The following SMG1 variants were observed in gnomAD, a reference collection of about 807,000 sequenced individuals.
The protein encoded by SMG1 is SMG1 nonsense mediated mRNA decay associated PI3K related kinase, also known as serine/threonine-protein kinase SMG1.
In SMG1, 22 loss-of-function variants were observed where a neutral mutation model predicts 419.9. That is an observed-to-expected ratio of 0.05 (90% CI 0.04 to 0.07). The LOEUF (loss-of-function observed/expected upper bound fraction) is 0.07. Among genes scored for constraint, SMG1 ranks in the 10% least tolerant of loss-of-function variants. The pLI, the probability that SMG1 is intolerant of heterozygous loss-of-function variation, is 1.00. For synonymous variants in SMG1, 1,538 were observed against 1,553.5 expected, an observed-to-expected ratio of 0.99 and a Z score of 0.23; for missense variants, 3,185 against 4,342.0, an observed-to-expected ratio of 0.73 and a Z score of 7.49.
intron 57 of SMG1, among the ~76,000 whole-genome samples, chr16:18,816,880 C>G (rs1286826782): frequency 6.6e-6 from 1 of 152,174 alleles, no homozygotes. Flanking sequence ...TTTAAGCTTT[C>G]TGACAAAATA....
intron 23 of SMG1, among the ~76,000 whole-genome samples, chr16:18,865,545 G>A (rs2035453341): frequency 6.7e-6 from 1 of 148,392 alleles, no homozygotes; most frequent in African/African-American, 2.5e-5. Flanking sequence ...GGTACATTTA[G>A]TAAAAAAAAA....
At chr16:18,828,404 T>C (rs2032913801) in intron 54 of SMG1, among the ~76,000 whole-genome samples, 1 of 152,206 alleles carries the variant, frequency 6.6e-6, no homozygotes, top group East Asian at 1.9e-4. Flanking sequence ...ACATGCACCA[T>C]TTAAATAGTA....
Position 18,863,997 on chromosome 16 carries a change from C to T in SMG1, c.3493+5G>A, listed in dbSNP as rs755385950. The stretch of plus-strand genomic sequence containing the variant: ...TTGCTTTATTTAAAAATACTGAACG[C>T]TCACCATTCAGAGAATGTTTCGGGC... On this transcript the variant is annotated splice_donor_5th_base_variant and intron_variant, in intron 24 of 62. Coordinates refer to ENST00000446231, the MANE Select transcript of SMG1 (RefSeq NM_015092.5). 3.2e-6 allele frequency: 5 copies of T among 1,549,758 alleles called. No individual in the cohort carries two copies. Among genetic ancestry groups the T allele is most frequent in the Non-Finnish European group, 4.4e-6 (5 of 1,146,914 alleles).
chr16:18,857,243 C>T (rs1354441901), intron 29 of SMG1: 1 of 152,208 alleles, frequency 6.6e-6, no homozygotes, highest in Non-Finnish European at 1.5e-5. Context: ...ATCATGTTTT[C>T]CACTAAAACT....
Position 18,837,279 on chromosome 16 carries a change from A to T in SMG1, c.7578T>A (p.Asp2526Glu), listed in dbSNP as rs55937929. The T allele has an allele frequency of 6.2e-6, 10 of 1,613,798 alleles. No individual in the cohort carries two copies. Among genetic ancestry groups the T allele is most frequent in the Non-Finnish European group, 8.5e-6 (10 of 1,179,864 alleles). Residue 2526 changes from aspartate to glutamate, a missense_variant, in exon 46 of 63, where the codon GAT becomes GAA. Transcript: ENST00000446231. ...TGTGTTGCAGAGTATGAGAAGGATG[A>T]TCCACCCCTTCAGCTCCTTCTAGAA... The part of the protein sequence containing the change: ...IEFLEGAEGV[D>E]HPSHTLQHRY...
chr16:18,890,881 T>C lies in SMG1; in HGVS notation c.590A>G (p.His197Arg). 2 of 1,579,904 alleles carry C rather than the reference T, an allele frequency of 1.3e-6. No homozygotes were observed. The highest frequency in any genetic ancestry group is 1.7e-5 in the Admixed American group (1 of 59,962). ...TACTTACCTTTCATTAAGCACGTCA[T>C]GTACAGCAGCCAAGATATTATCCAA... ...KQLDNILAAV[H>R]DVLNESSKLL... is the part of the protein sequence containing the mutation. The change falls in exon 5 of 63, where the codon CAT (histidine) becomes CGT (arginine). Residue 197 changes from histidine (H) to arginine (R), a missense_variant. Physicochemically the swap from His to Arg is conservative, Grantham distance 29. Coordinates refer to ENST00000446231, the MANE Select transcript of SMG1 (RefSeq NM_015092.5).
chr16:18,832,967 G>T lies in SMG1; in HGVS notation c.8765C>A (p.Thr2922Lys). Residue 2922 changes from threonine to lysine, a missense_variant, in exon 51 of 63, where the codon ACA becomes AAA. Thr to Lys is a moderately conservative substitution (Grantham distance 78). Around this residue, in one of 27 missense-constraint regions of SMG1, gnomAD observed 737 missense variants for 846.6 expected, o/e 0.87. Coordinates refer to ENST00000446231, the MANE Select transcript of SMG1 (RefSeq NM_015092.5). ...GGCAACATCGATGTAATGAGCATGT[G>T]TTTCTTCTTCCAGTCCCATAGCTGC... ...RNAAMGLEEE[T>K]HAHYIDVARL... is the part of the protein sequence containing the mutation. 6.2e-7 allele frequency: 1 copy of T among 1,613,930 alleles called. No homozygotes were observed. Among genetic ancestry groups the T allele is most frequent in the Non-Finnish European group, 8.5e-7 (1 of 1,179,870 alleles).
intron 51 of SMG1, 73 bp from the exon 52 acceptor site, chr16:18,830,442 A>G: frequency 2.0e-6 from 3 of 1,505,102 alleles, no homozygotes; most frequent in Non-Finnish European, 2.8e-6. Context: ...CAAAGTCAGT[A>G]CATCTCACAG....
At chr16:18,865,659 G>A (rs913769468) in intron 23 of SMG1, among the ~76,000 whole-genome samples, 2 of 150,104 alleles carry the variant, frequency 1.3e-5, no homozygotes, top group Admixed American at 6.7e-5. Context: ...ATTTAACATG[G>A]CAATTTTTTT....
At chr16:18,841,215 C>A (rs748893725) in intron 41 of SMG1, among the ~76,000 whole-genome samples, 2 of 152,014 alleles carry the variant, frequency 1.3e-5, no homozygotes, top group African/African-American at 4.8e-5. Flanking sequence ...ACCTGAGCAA[C>A]ATGGCAAAAT....
rs1190632174 is a variant in SMG1, at chr16:18,896,968, G to A, written c.93-12C>T. 9.9e-6 allele frequency: 15 copies of A among 1,515,060 alleles called. No individual in the cohort carries two copies. Among genetic ancestry groups the A allele is most frequent in the African/African-American group, 1.4e-5 (1 of 71,846 alleles). The allele number at this position is 1,515,060 out of a possible 1,614,324, so 93.9% of individuals were successfully genotyped here. A position where few individuals can be genotyped will look rare whatever the true frequency, so the allele number is the denominator to read the frequency against. On this transcript the variant is annotated splice_polypyrimidine_tract_variant and intron_variant, in intron 1 of 62. Coordinates refer to ENST00000446231, the MANE Select transcript of SMG1 (RefSeq NM_015092.5). ...ATGCACTATCAGTTCTATAAAAAGA[G>A]AAAAGTTTAAGATTAGAACTTTAAA... is the stretch of plus-strand genomic sequence containing the variant.
At chr16:18,811,601 T>C (rs887744632) in intron 62 of SMG1, among the ~76,000 whole-genome samples, 160 bp downstream of exon 62, 1 of 152,200 alleles carries the variant, frequency 6.6e-6, no homozygotes, top group African/African-American at 2.4e-5. Context: ...TGGTGACTAC[T>C]TGACGACGCC....
chr16:18,827,204 A>G (rs544656815), intron 55 of SMG1, among the ~76,000 whole-genome samples: 2 of 152,208 alleles, frequency 1.3e-5, no homozygotes, highest in Admixed American at 1.3e-4. Context: ...AGGTGGGCAG[A>G]TCACCTGAGG....
chr16:18,828,006 G>T, intron 55 of SMG1, 25 bp downstream of exon 55: 1 of 1,602,462 alleles, frequency 6.2e-7, no homozygotes, highest in Non-Finnish European at 8.5e-7. Context: ...AAAATGCCCT[G>T]GAAGGAAGAT....
chr16:18,865,974 T>A (rs79780670), intron 23 of SMG1, among the ~76,000 whole-genome samples: 1 of 149,942 alleles, frequency 6.7e-6, no homozygotes, highest in African/African-American at 2.4e-5. Flanking sequence ...ACATGGCAAA[T>A]TTTTTTTTTA....
chr16:18,868,935 T>C lies in SMG1; in HGVS notation c.2833+169A>G, dbSNP rs186341281. Among the ~76,000 whole-genome samples the C allele has an allele frequency of 2.5e-3, 386 of 152,352 alleles. 2 individuals are homozygous for C. The highest frequency in any genetic ancestry group is 9.0e-3 in the African/African-American group (376 of 41,578). Reference sequence around the variant, plus strand: ...TAAGTTTTGGGGAAAAAAAAACATATTTCCAATGCAATTATTCAATGAAAG... The same window carrying C: ...TAAGTTTTGGGGAAAAAAAAACATACTTCCAATGCAATTATTCAATGAAAG... On this transcript the variant is annotated intron_variant, in intron 20 of 62. Coordinates refer to ENST00000446231, the MANE Select transcript of SMG1 (RefSeq NM_015092.5).
intron 10 of SMG1, among the ~76,000 whole-genome samples, chr16:18,880,177 C>T (rs1238777434): frequency 1.3e-5 from 2 of 152,194 alleles, no homozygotes; most frequent in Non-Finnish European, 2.9e-5. Context: ...TTTCTATCTA[C>T]TGATGGTCTC....
At chr16:18,891,372 TGATCCAAGTG>T (rs2036868966) in intron 4 of SMG1, among the ~76,000 whole-genome samples, 2 of 152,200 alleles carry the variant, frequency 1.3e-5, no homozygotes, top group Non-Finnish European at 2.9e-5. Context: ...AAACTTGCTT[TGATCCAAGTG>T]TCATCTGCCT....
intron 1 of SMG1, among the ~76,000 whole-genome samples, chr16:18,920,776 G>T (rs1313976969): frequency 6.6e-6 from 1 of 152,016 alleles, no homozygotes; most frequent in Non-Finnish European, 1.5e-5. Context: ...GGAGGTGGAG[G>T]CTGCAGTGAG....
Sources: allele counts gnomAD v4.1 joint callset (sites outside exome capture counted in the v4.1 genomes callset), GRCh38; gene constraint gnomAD v4.1.1; regional missense constraint gnomAD v4.1.1; transcripts MANE v1.5; gene names NCBI Gene and HGNC (gene_info 2026-07-23, HGNC 2026-07-21).